The following GRID2 variants were observed in gnomAD, a reference collection of about 807,000 sequenced individuals.
GRID2 encodes the protein glutamate receptor ionotropic, delta-2.
In GRID2, 33 loss-of-function variants were observed where a neutral mutation model predicts 114.8. That is an observed-to-expected ratio of 0.29 (90% confidence interval 0.22 to 0.38). GRID2 has a LOEUF of 0.38. Among genes scored for constraint, GRID2 ranks in the 10% least tolerant of loss-of-function variants. GRID2 has a pLI of 1.00. For synonymous variants in GRID2, 505 were observed against 449.9 expected (o/e 1.12, Z -1.55); for missense variants, 1,184 against 1,257.7 (o/e 0.94, Z 0.89).
At chr4:92,693,588 C>T (rs1734288217) in intron 2 of GRID2, among the ~76,000 whole-genome samples, 1 of 152,192 alleles carries the variant, frequency 6.6e-6, no homozygotes, top group Admixed American at 6.5e-5. Flanking sequence ...CAGGAAATGA[C>T]TATATTCCCA....
intron 2 of GRID2, among the ~76,000 whole-genome samples, chr4:92,731,409 A>T (rs1051677919): frequency 2.0e-5 from 3 of 151,986 alleles, no homozygotes; most frequent in African/African-American, 7.2e-5. Flanking sequence ...CTAGTAAAGT[A>T]GCAGGATTCT....
intron 14 of GRID2, among the ~76,000 whole-genome samples, chr4:93,665,259 CTT>C (rs778523509): frequency 1.3e-5 from 2 of 152,290 alleles, no homozygotes; most frequent in Non-Finnish European, 2.9e-5. Flanking sequence ...TAAATGCACT[CTT>C]GGCTTTATTC....
intron 2 of GRID2, among the ~76,000 whole-genome samples, chr4:93,081,473 G>A (rs1380958334): frequency 1.3e-5 from 2 of 152,110 alleles, no homozygotes; most frequent in African/African-American, 4.8e-5. Flanking sequence ...TAACTGCAGA[G>A]TGACCACAAA....
intron 2 of GRID2, among the ~76,000 whole-genome samples, chr4:92,919,918 C>T (rs1441896205): frequency 6.6e-6 from 1 of 152,166 alleles, no homozygotes; most frequent in Non-Finnish European, 1.5e-5. Flanking sequence ...AACTTTCTGT[C>T]TCATTGATCT....
At position 92,876,461 on chromosome 4, in the gene GRID2, C is replaced by T. The variant is rs554883568; in HGVS notation, c.245-208534C>T. On this transcript the variant is annotated intron_variant, in intron 2 of 15. Transcript: ENST00000282020. ...CTGGGACTACAGGTGCCTGCCACCA[C>T]ACCTGGCTAATTTTTTGTATTTTTA... Among the ~76,000 whole-genome samples the T allele has an allele frequency of 4.1e-3, 631 of 152,098 alleles. 7 individuals carry two copies. Among genetic ancestry groups the T allele is most frequent in the African/African-American group, 0.014 (595 of 41,524 alleles).
At chr4:92,665,007 A>G (rs1366158376) in intron 2 of GRID2, among the ~76,000 whole-genome samples, 2 of 147,664 alleles carry the variant, frequency 1.4e-5, no homozygotes, top group Non-Finnish European at 3.0e-5. Flanking sequence ...TTTTAATTTC[A>G]GAGCTTAATC....
chr4:93,302,467 G>T, intron 8 of GRID2: 1 of 418,878 alleles, frequency 2.4e-6, no homozygotes, highest in Non-Finnish European at 4.8e-6. Context: ...TCACTAACAG[G>T]CAGAGTAACT....
intron 2 of GRID2, among the ~76,000 whole-genome samples, chr4:92,712,221 T>C (rs1029859060): frequency 1.7e-4 from 26 of 152,228 alleles, no homozygotes; most frequent in African/African-American, 6.3e-4. Context: ...CTAATTGGTA[T>C]ATGTATTTTG....
intron 2 of GRID2, among the ~76,000 whole-genome samples, chr4:93,038,845 T>C (rs1725200918): frequency 6.6e-6 from 1 of 151,190 alleles, no homozygotes; most frequent in African/African-American, 2.4e-5. Flanking sequence ...TGTGGAGAAA[T>C]AGGAATGCTT....
At chr4:92,531,388 A>G (rs891254181) in intron 1 of GRID2, among the ~76,000 whole-genome samples, 1 of 152,202 alleles carries the variant, frequency 6.6e-6, no homozygotes, top group African/African-American at 2.4e-5. Flanking sequence ...CTAGAAATGT[A>G]TAAAAAGAGT....
chr4:93,471,235 T>G (rs547425585), intron 11 of GRID2, among the ~76,000 whole-genome samples: 1 of 152,312 alleles, frequency 6.6e-6, no homozygotes, highest in East Asian at 1.9e-4. Flanking sequence ...GCAGATGATA[T>G]TTTGATAATT....
At chr4:93,156,124 A>C (rs947172552) in intron 4 of GRID2, among the ~76,000 whole-genome samples, 1 of 151,762 alleles carries the variant, frequency 6.6e-6, no homozygotes, top group African/African-American at 2.4e-5. Flanking sequence ...AATAATTAAA[A>C]ATTTTAAAGA....
intron 2 of GRID2, among the ~76,000 whole-genome samples, chr4:92,943,864 A>C (rs1384816053): frequency 1.3e-5 from 2 of 152,156 alleles, no homozygotes; most frequent in East Asian, 3.9e-4. Context: ...TGTTTGCCTG[A>C]GTATCAGCAG....
chr4:93,159,403 A>C (rs1361177267), intron 4 of GRID2, among the ~76,000 whole-genome samples: 1 of 151,786 alleles, frequency 6.6e-6, no homozygotes, highest in Non-Finnish European at 1.5e-5. Flanking sequence ...AGTGTTTTTG[A>C]GTCATCCAGT....
At chr4:93,009,342 G>A (rs141296652) in intron 2 of GRID2, among the ~76,000 whole-genome samples, 31 of 152,138 alleles carry the variant, frequency 2.0e-4, no homozygotes, top group East Asian at 1.9e-3. Flanking sequence ...TGCTTTGTAC[G>A]GAGTGAAAAA....
At chr4:92,323,090 G>T (rs1266545941) in intron 1 of GRID2, among the ~76,000 whole-genome samples, 2 of 151,960 alleles carry the variant, frequency 1.3e-5, no homozygotes, top group African/African-American at 4.8e-5. Context: ...TTCTCACATG[G>T]AGTGTACTGT....
At chr4:93,304,693 A>G (rs1755236973) in intron 8 of GRID2, among the ~76,000 whole-genome samples, 1 of 152,202 alleles carries the variant, frequency 6.6e-6, no homozygotes, top group African/African-American at 2.4e-5. Context: ...GGACACCAGT[A>G]GAAAAAAAAA....
chr4:93,166,423 C>T (rs1362552185), intron 4 of GRID2, among the ~76,000 whole-genome samples: 1 of 152,122 alleles, frequency 6.6e-6, no homozygotes, highest in African/African-American at 2.4e-5. Context: ...TCCTTGTCAG[C>T]TGGACATCCA....
At chr4:92,582,187 CTT>C (rs1728214345) in intron 1 of GRID2, among the ~76,000 whole-genome samples, 1 of 151,700 alleles carries the variant, frequency 6.6e-6, no homozygotes, top group African/African-American at 2.4e-5. Context: ...AAGTCAATAA[CTT>C]TATATATTTT....
Sources: allele counts gnomAD v4.1 joint callset (sites outside exome capture counted in the v4.1 genomes callset), GRCh38; gene constraint gnomAD v4.1.1; transcripts MANE v1.5; gene names NCBI Gene and HGNC (gene_info 2026-07-23, HGNC 2026-07-21).